The following USP12 variants were observed in gnomAD, a reference collection of about 807,000 sequenced individuals.
USP12 encodes the protein ubiquitin specific peptidase 12, also known as ubiquitin carboxyl-terminal hydrolase 12.
USP12 carries 19 observed loss-of-function variants against 45.5 expected under a neutral mutation model. That is an observed-to-expected ratio of 0.42 (90% confidence interval 0.29 to 0.61). The LOEUF is 0.61. Ranked by LOEUF, USP12 falls within the 20% of genes least tolerant of loss-of-function variation. The pLI is 0.22. For missense variants in USP12, 242 were observed against 447.7 expected (o/e 0.54, Z 4.15); for synonymous variants, 149 against 148.8 (o/e 1.00, Z -0.01).
rs372287111 is a variant in USP12, at chr13:27,071,915, G to A, written c.933-766C>T. ...CTCATATAATTATATTTATTAAATTGTAATTCTATAATTAATACAGAAGTT... is the reference window on the plus strand; with the variant it reads ...CTCATATAATTATATTTATTAAATTATAATTCTATAATTAATACAGAAGTT... On this transcript the variant is annotated intron_variant, in intron 7 of 8. Coordinates refer to ENST00000282344, the MANE Select transcript of USP12 (RefSeq NM_182488.4). Among the ~76,000 whole-genome samples the A allele has an allele frequency of 2.8e-4, 42 of 152,136 alleles. 2 individuals are homozygous for A. In the South Asian group the frequency reaches 7.9e-3, roughly 29 times the overall value.
chr13:27,141,659 T>C (rs1877064337), intron 1 of USP12, among the ~76,000 whole-genome samples: 2 of 152,054 alleles, frequency 1.3e-5, no homozygotes, highest in Non-Finnish European at 2.9e-5. Context: ...CAAAAGTCCA[T>C]GCTACTCTAA....
intron 1 of USP12, among the ~76,000 whole-genome samples, chr13:27,131,934 C>G (rs976969964): frequency 6.6e-6 from 1 of 152,146 alleles, no homozygotes; most frequent in Non-Finnish European, 1.5e-5. Flanking sequence ...GACACACACA[C>G]TACCTCCCAA....
At chr13:27,151,078 C>G (rs898051176) in intron 1 of USP12, among the ~76,000 whole-genome samples, 1 of 152,130 alleles carries the variant, frequency 6.6e-6, no homozygotes, top group African/African-American at 2.4e-5. Flanking sequence ...TCTGTAATCC[C>G]AGCACTTTGG....
intron 1 of USP12, among the ~76,000 whole-genome samples, chr13:27,153,571 G>C (rs182864188): frequency 6.6e-6 from 1 of 152,262 alleles, no homozygotes; most frequent in East Asian, 1.9e-4. Flanking sequence ...GTACATTAGA[G>C]TTACAGATCC....
chr13:27,074,519 G>A (rs1050783561), intron 7 of USP12, among the ~76,000 whole-genome samples: 29 of 152,182 alleles, frequency 1.9e-4, no homozygotes, highest in Non-Finnish European at 3.8e-4. Flanking sequence ...AAACCAAGGG[G>A]AAAATGATGA....
chr13:27,100,202 T>A (rs1392119915), intron 3 of USP12, among the ~76,000 whole-genome samples: 1 of 152,196 alleles, frequency 6.6e-6, no homozygotes, highest in Non-Finnish European at 1.5e-5. Context: ...ACCTTGCCCT[T>A]CAATGCAATA....
At chr13:27,084,920 G>A (rs1328549148) in intron 6 of USP12, among the ~76,000 whole-genome samples, 1 of 152,118 alleles carries the variant, frequency 6.6e-6, no homozygotes, top group African/African-American at 2.4e-5. Flanking sequence ...TATTTCTGCA[G>A]AAAATGCCAT....
chr13:27,126,218 G>A (rs1876230531), intron 1 of USP12, among the ~76,000 whole-genome samples: 1 of 152,208 alleles, frequency 6.6e-6, no homozygotes, highest in Non-Finnish European at 1.5e-5. Context: ...ACACCTCCCA[G>A]TAGGGGCCGA....
Position 27,089,803 on chromosome 13 carries a change from A to C in USP12, c.734+80T>G, listed in dbSNP as rs1198176564. On this transcript the variant is annotated intron_variant, in intron 6 of 8. Coordinates refer to ENST00000282344, the MANE Select transcript of USP12 (RefSeq NM_182488.4). ...ATTTTTACTCAATGTAAATTTTCCT[A>C]GATTGTTTTTCTAAGCCCACCTCCA... is the stretch of plus-strand genomic sequence containing the variant. The C allele has an allele frequency of 1.4e-5, 20 of 1,385,122 alleles. No homozygotes were observed. The African/African-American group carries it at 2.8e-4, about 19-fold the overall frequency. The allele number at this position is 1,385,122 out of a possible 1,614,324, so 85.8% of individuals were successfully genotyped here. A position where few individuals can be genotyped will look rare whatever the true frequency, so the allele number is the denominator to read the frequency against.
In USP12 at chr13:27,148,874, C is replaced by G. The variant is rs576919255; in HGVS notation, c.48+22718G>C. Among the ~76,000 whole-genome samples the G allele has an allele frequency of 2.7e-5, 4 of 149,706 alleles. No homozygotes were observed. In the South Asian group the frequency reaches 8.5e-4, roughly 32 times the overall value. On this transcript the variant is annotated intron_variant, in intron 1 of 8. Transcript: ENST00000282344. Reference sequence around the variant, plus strand: ...GATAAAAACATAGAAAAGAATTCCTCTCTGAATACAATAAAAATTGTATTT... The same window carrying G: ...GATAAAAACATAGAAAAGAATTCCTGTCTGAATACAATAAAAATTGTATTT...
chr13:27,141,012 CTTTTTT>C (rs11455614), intron 1 of USP12, among the ~76,000 whole-genome samples: 2 of 122,566 alleles, frequency 1.6e-5, no homozygotes, highest in African/African-American at 3.0e-5. Flanking sequence ...TGTGAAGTCA[CTTTTTT>C]TTTTTTTTTT....
intron 2 of USP12, among the ~76,000 whole-genome samples, chr13:27,115,270 G>A (rs2137796411): frequency 6.6e-6 from 1 of 152,146 alleles, no homozygotes. Flanking sequence ...TAGAATATAA[G>A]GCTAAATTCC....
At chr13:27,072,106 T>A (rs2137751471) in intron 7 of USP12, among the ~76,000 whole-genome samples, 1 of 136,058 alleles carries the variant, frequency 7.3e-6, no homozygotes, top group South Asian at 2.2e-4. Context: ...AAAAATACTT[T>A]TTTTTTTTTA....
chr13:27,171,642 G>A lies in USP12; in HGVS notation c.-3C>T. On this transcript the variant is annotated 5_prime_UTR_variant, in exon 1 of 9. Transcript: ENST00000282344. ...GAGACTGTCATTAGGATTTCCATCC[G>A]GCCAGCGCCATCTTCCACCCAATCA... 4 of 1,284,156 alleles carry A rather than the reference G, an allele frequency of 3.1e-6. No homozygotes were observed. The highest frequency in any genetic ancestry group is 4.1e-6 in the Non-Finnish European group (4 of 983,146). The allele number at this position is 1,284,156 out of a possible 1,614,324, so 79.5% of individuals were successfully genotyped here.
intron 1 of USP12, among the ~76,000 whole-genome samples, chr13:27,120,621 TA>T (rs57930303): frequency 0.86 from 125,015 of 145,368 alleles, 54,086 homozygotes; most frequent in South Asian, 0.96. Flanking sequence ...AAACTCCATC[TA>T]AAAAAAAAAA....
chr13:27,144,200 CA>C (rs55832837), intron 1 of USP12, among the ~76,000 whole-genome samples: 53 of 142,020 alleles, frequency 3.7e-4, no homozygotes, highest in African/African-American at 2.8e-4. Context: ...CTCTGACTCC[CA>C]AAAAAAAAAA....
At chr13:27,114,742 T>G (rs976302659) in intron 2 of USP12, among the ~76,000 whole-genome samples, 1 of 150,688 alleles carries the variant, frequency 6.6e-6, no homozygotes, top group East Asian at 1.9e-4. Context: ...TAGGTTAATC[T>G]GTGGGTATTT....
chr13:27,161,691 T>C (rs1878113117), intron 1 of USP12, among the ~76,000 whole-genome samples: 2 of 151,872 alleles, frequency 1.3e-5, no homozygotes, highest in African/African-American at 4.8e-5. Context: ...GGCAACATGG[T>C]GAAACCCTGT....
intron 1 of USP12, among the ~76,000 whole-genome samples, chr13:27,155,288 G>A (rs140723717): frequency 0.024 from 3,705 of 151,578 alleles, 94 homozygotes; most frequent in African/African-American, 0.059. Context: ...TCACCATGTT[G>A]GCCAAGATGG....
Sources: allele counts gnomAD v4.1 joint callset (sites outside exome capture counted in the v4.1 genomes callset), GRCh38; gene constraint gnomAD v4.1.1; transcripts MANE v1.5; gene names NCBI Gene and HGNC (gene_info 2026-07-23, HGNC 2026-07-21).